The following SLC4A4 variants were observed in gnomAD, a reference collection of about 807,000 sequenced individuals.
The protein encoded by SLC4A4 is solute carrier family 4 member 4.
Under a neutral mutation model 111.5 loss-of-function variants are expected in SLC4A4, and 27 were observed. The ratio of observed to expected loss-of-function variants is 0.24; its 90% CI spans 0.18 to 0.33. SLC4A4 has a LOEUF of 0.33. Among genes scored for constraint, SLC4A4 ranks in the 10% least tolerant of loss-of-function variants. SLC4A4 has a pLI of 1.00. For synonymous variants in SLC4A4, 443 were observed against 463.4 expected (o/e 0.96, Z 0.57); for missense variants, 909 against 1,315.5 (o/e 0.69, Z 4.78).
chr4:71,238,796 T>C (rs2149040337), intron 2 of SLC4A4, among the ~76,000 whole-genome samples: 1 of 152,306 alleles, frequency 6.6e-6, no homozygotes, highest in East Asian at 1.9e-4. Context: ...ACCCTCCCCC[T>C]TTTTCACCTT....
chr4:71,397,556 A>C, intron 6 of SLC4A4, 21 bp from the exon 7 acceptor site: 1 of 1,603,222 alleles, frequency 6.2e-7, no homozygotes, highest in Non-Finnish European at 8.5e-7. Context: ...CTTTAATTAG[A>C]GTTTACTTGT....
chr4:71,305,692 C>T (rs1445089289), intron 3 of SLC4A4, among the ~76,000 whole-genome samples: 1 of 152,170 alleles, frequency 6.6e-6, no homozygotes, highest in Non-Finnish European at 1.5e-5. Context: ...TCTGTTCATG[C>T]ATTCATAAAA....
At chr4:71,497,733 C>G (rs1022247505) in intron 16 of SLC4A4, 41 bp downstream of exon 16, 1 of 1,500,074 alleles carries the variant, frequency 6.7e-7, no homozygotes, top group Non-Finnish European at 9.3e-7. Flanking sequence ...TGGATTTACA[C>G]TGTATCAACA....
chr4:71,317,761 TCAGA>T (rs1235898296), intron 3 of SLC4A4, among the ~76,000 whole-genome samples: 1 of 151,990 alleles, frequency 6.6e-6, no homozygotes, highest in East Asian at 1.9e-4. Flanking sequence ...GACTTTATGG[TCAGA>T]CAAAGCTACA....
intron 3 of SLC4A4, among the ~76,000 whole-genome samples, chr4:71,320,969 G>T (rs574738038): frequency 6.6e-6 from 1 of 152,172 alleles, no homozygotes; most frequent in South Asian, 2.1e-4. Flanking sequence ...ATGCCTTGAA[G>T]TGTTATATAT....
intron 5 of SLC4A4, among the ~76,000 whole-genome samples, 194 bp from the exon 6 acceptor site, chr4:71,356,814 A>G (rs543962935): frequency 6.6e-6 from 1 of 152,290 alleles, no homozygotes; most frequent in East Asian, 1.9e-4. Flanking sequence ...ATACTCTAAT[A>G]TTTGTATCTC....
At chr4:71,394,294 A>G (rs1311796510) in intron 6 of SLC4A4, among the ~76,000 whole-genome samples, 1 of 151,914 alleles carries the variant, frequency 6.6e-6, no homozygotes, top group Non-Finnish European at 1.5e-5. Flanking sequence ...CAACAAACTC[A>G]AACAAATTAG....
At chr4:71,269,488 T>C (rs1294905129) in intron 3 of SLC4A4, among the ~76,000 whole-genome samples, 4 of 152,226 alleles carry the variant, frequency 2.6e-5, no homozygotes, top group Non-Finnish European at 4.4e-5. Context: ...TCACTCATTT[T>C]CACAGATGTC....
chr4:71,141,151 T>A (rs1278050895), intron 2 of SLC4A4, among the ~76,000 whole-genome samples: 1 of 152,180 alleles, frequency 6.6e-6, no homozygotes, highest in Non-Finnish European at 1.5e-5. Context: ...ACCCTTTGAT[T>A]CTCATCTCCC....
intron 6 of SLC4A4, among the ~76,000 whole-genome samples, chr4:71,367,239 T>C (rs1209237152): frequency 6.6e-6 from 1 of 152,216 alleles, no homozygotes; most frequent in Non-Finnish European, 1.5e-5. Flanking sequence ...CTTCCTCTAC[T>C]CACGTTAGAA....
intron 7 of SLC4A4, among the ~76,000 whole-genome samples, chr4:71,423,023 T>A (rs1384586896): frequency 3.3e-5 from 5 of 152,104 alleles, no homozygotes; most frequent in East Asian, 1.9e-4. Flanking sequence ...AAGGGTATTC[T>A]ATTAGGAAAA....
At chr4:71,144,678 G>A (rs1439994292) in intron 2 of SLC4A4, among the ~76,000 whole-genome samples, 1 of 151,576 alleles carries the variant, frequency 6.6e-6, no homozygotes, top group African/African-American at 2.4e-5. Context: ...TTGTAAGTTG[G>A]AGTCCTAGGT....
In SLC4A4 at chr4:71,387,715, A is replaced by G. The variant is rs539884707; in HGVS notation, c.731-9862A>G. Among the ~76,000 whole-genome samples the G allele has an allele frequency of 1.5e-4, 23 of 152,186 alleles. No individual in the cohort carries two copies. The South Asian group carries it at 4.8e-3, about 32-fold the overall frequency. On this transcript the variant is annotated intron_variant, in intron 6 of 25. Coordinates refer to ENST00000264485, the MANE Select transcript of SLC4A4 (RefSeq NM_001098484.3). ...CTCCATGTTGGTCAGGCTGGGCTCA[A>G]ACTCCTGACCTCAGGTGATCTGCCC...
chr4:71,121,528 G>T lies in SLC4A4; in HGVS notation c.-2+28736G>T, dbSNP rs1222594819. 2.6e-5 allele frequency among the ~76,000 whole-genome samples: 4 copies of T among 152,082 alleles called. No individual in the cohort carries two copies. The South Asian group carries it at 6.2e-4, about 24-fold the overall frequency. On this transcript the variant is annotated intron_variant, in intron 2 of 26. Transcript: ENST00000649996. ...CTGTGTCTAGCTCAGGGTTTGTGAA[G>T]GCACCAATCAGCACTCTGTATCTAG...
At chr4:71,269,193 A>G (rs1209681693) in intron 3 of SLC4A4, among the ~76,000 whole-genome samples, 1 of 152,236 alleles carries the variant, frequency 6.6e-6, no homozygotes, top group Admixed American at 6.5e-5. Flanking sequence ...GGAGGATTCC[A>G]TTATTCATTT....
intron 3 of SLC4A4, among the ~76,000 whole-genome samples, chr4:71,282,253 C>T (rs1723578152): frequency 6.6e-6 from 1 of 151,252 alleles, no homozygotes; most frequent in South Asian, 2.1e-4. Context: ...GGCAAGTGGA[C>T]AGGCAACTAA....
At chr4:71,068,061 CGT>C (rs1741570948) in intron 1 of SLC4A4, among the ~76,000 whole-genome samples, 3 of 132,366 alleles carry the variant, frequency 2.3e-5, no homozygotes, top group African/African-American at 5.8e-5. Flanking sequence ...TTTGAACAAA[CGT>C]TTTTTTTTTT....
rs528032378 is a variant in SLC4A4 at position 71,372,674 on chromosome 4, T to G, written c.730+15487T>G. On this transcript the variant is annotated intron_variant, in intron 6 of 25. Transcript: ENST00000264485. The stretch of plus-strand genomic sequence containing the variant: ...TTCAGAGTTTTTTTCTGTCATCTTA[T>G]GCACATTCCTGGCATCTGCCTTCAC... Among the ~76,000 whole-genome samples the G allele has an allele frequency of 2.0e-3, 312 of 152,368 alleles. 1 individual carries two copies. The highest frequency in any genetic ancestry group is 3.4e-3 in the Non-Finnish European group (233 of 68,038).
At chr4:71,180,856 C>T in intron 2 of SLC4A4, among the ~76,000 whole-genome samples, 1 of 152,056 alleles carries the variant, frequency 6.6e-6, no homozygotes, top group Non-Finnish European at 1.5e-5. Flanking sequence ...CCCAGCAATC[C>T]CATTACTGGC....
Sources: gnomAD v4.1 joint callset for allele counts (sites outside exome capture counted in the v4.1 genomes callset) on GRCh38, gnomAD v4.1.1 for gene constraint, MANE v1.5 for transcripts, NCBI Gene and HGNC (gene_info 2026-07-23, HGNC 2026-07-21) for gene names.